The following CAMSAP2 variants were observed in gnomAD, a reference collection of about 807,000 sequenced individuals.
The protein encoded by CAMSAP2 is calmodulin-regulated spectrin-associated protein 2.
Under a neutral mutation model 146.1 loss-of-function variants are expected in CAMSAP2, and 26 were observed. The observed-to-expected ratio is 0.18, with a 90% CI of 0.13 to 0.25. The LOEUF (loss-of-function observed/expected upper bound fraction) is 0.25, where lower values mean the gene tolerates loss of function less well. Among genes scored for constraint, CAMSAP2 ranks in the 10% least tolerant of loss-of-function variants. CAMSAP2 has a pLI of 1.00. For synonymous variants in CAMSAP2, 499 were observed against 596.6 expected (o/e 0.84, Z 2.38); for missense variants, 1,381 against 1,759.3 (o/e 0.78, Z 3.85).
Position 200,848,411 on chromosome 1 carries a change from A to G in CAMSAP2, c.1642A>G (p.Ile548Val). The G allele has an allele frequency of 6.2e-7, 1 of 1,613,988 alleles. No individual in the cohort carries two copies. Among genetic ancestry groups the G allele is most frequent in the Non-Finnish European group, 8.5e-7 (1 of 1,179,966 alleles). The change falls in exon 11 of 17, where the codon ATA (isoleucine) becomes GTA (valine). Residue 548 changes from isoleucine to valine, a missense_variant. Transcript: ENST00000358823. ...ETPSIEEALQ[I>V]IHDTEKSPHT... ...ACCAAGCATTGAAGAAGCATTACAA[A>G]TAATTCATGATACTGAAAAATCTCC...
intron 3 of CAMSAP2, among the ~76,000 whole-genome samples, chr1:200,810,685 C>T (rs563924399): frequency 3.3e-5 from 5 of 151,352 alleles, no homozygotes; most frequent in Non-Finnish European, 4.4e-5. Context: ...GGTCAGGAGT[C>T]GGAGACCAGC....
intron 6 of CAMSAP2, among the ~76,000 whole-genome samples, chr1:200,841,673 T>C (rs1667327141): frequency 1.3e-5 from 2 of 152,248 alleles, no homozygotes; most frequent in South Asian, 4.1e-4. Flanking sequence ...TGAATAACTT[T>C]TTAAGTTGCT....
intron 9 of CAMSAP2, 111 bp downstream of exon 9, chr1:200,847,403 G>A (rs536568433): frequency 3.7e-6 from 3 of 803,260 alleles, no homozygotes; most frequent in African/African-American, 3.5e-5. Flanking sequence ...GTGTGTGTGT[G>A]TGTGTGTTTT....
chr1:200,746,644 A>G, intron 1 of CAMSAP2, among the ~76,000 whole-genome samples: 1 of 146,306 alleles, frequency 6.8e-6, no homozygotes, highest in African/African-American at 2.5e-5. Flanking sequence ...TTTGAGACGG[A>G]GTCTTGCCCT....
Position 200,739,737 on chromosome 1 carries a change from C to A in CAMSAP2, c.-91C>A. On this transcript the variant is annotated 5_prime_UTR_variant, in exon 1 of 17. Transcript: ENST00000358823. The surrounding 1 kb of genome is among the most constrained non-coding windows in gnomAD (Gnocchi z 4.8). ...ATCGCCCGGGCCCCGATGGTTTGAG[C>A]TTGCTTCTCCCTCCCTCCCGACCCC... 2.9e-6 allele frequency: 4 copies of A among 1,361,794 alleles called. No homozygotes were observed. The highest frequency in any genetic ancestry group is 4.0e-6 in the Non-Finnish European group (4 of 1,006,778). The allele number at this position is 1,361,794 out of a possible 1,614,324, so 84.4% of individuals were successfully genotyped here.
At chr1:200,782,796 T>C (rs1349059778) in intron 2 of CAMSAP2, among the ~76,000 whole-genome samples, 3 of 141,274 alleles carry the variant, frequency 2.1e-5, no homozygotes, top group Non-Finnish European at 3.1e-5. Context: ...TTTTTTTTTT[T>C]TTTTTTTTTT....
chr1:200,832,204 G>C lies in CAMSAP2; in HGVS notation c.650G>C (p.Arg217Pro). 6.2e-7 allele frequency: 1 copy of C among 1,601,280 alleles called. No homozygotes were observed. Among genetic ancestry groups the C allele is most frequent in the Non-Finnish European group, 8.5e-7 (1 of 1,175,358 alleles). Residue 217 changes from arginine to proline, a missense_variant, in exon 5 of 17, where the codon CGT becomes CCT. By Grantham distance (103) the Arg-to-Pro change is moderately radical. Transcript: ENST00000358823. This position sits in a 1 kb window ranked among gnomAD's most constrained non-coding sequence, Gnocchi z 4.2. ...TGTATTTTTTTTATATCGTAGGCTC[G>C]TTATCGGAAAGAGCAAACATTGCTT... Reference protein sequence around the residue: ...TVEAPGGQKARYRKEQTLLKQ... With the variant: ...TVEAPGGQKAPYRKEQTLLKQ...
rs756509967 is a variant in CAMSAP2 at position 200,848,643 on chromosome 1, A to T, written c.1874A>T (p.Glu625Val). The change falls in exon 11 of 17, where the codon GAA (glutamate) becomes GTA (valine). Residue 625 changes from glutamate (E) to valine (V), a missense_variant. This residue lies in a region of CAMSAP2 where 447 missense variants were observed against 462.2 expected (regional missense o/e 0.97). Transcript: ENST00000358823. ...PSEDIPETMD[E>V]DSSLRDYTVS... Reference sequence around the variant, plus strand: ...GAAGATATTCCTGAAACTATGGACGAAGATTCTTCGTTGAGAGATTATACT... The same window carrying T: ...GAAGATATTCCTGAAACTATGGACGTAGATTCTTCGTTGAGAGATTATACT... 6.2e-7 allele frequency: 1 copy of T among 1,614,206 alleles called. No homozygotes were observed. The highest frequency in any genetic ancestry group is 1.1e-5 in the South Asian group (1 of 91,086).
chr1:200,803,949 CAG>C (rs2102135020), intron 2 of CAMSAP2, among the ~76,000 whole-genome samples: 1 of 150,204 alleles, frequency 6.7e-6, no homozygotes, highest in African/African-American at 2.4e-5. Flanking sequence ...TTCTTTGAGA[CAG>C]AGTCTTGCTC....
At chr1:200,817,161 C>CATAAGTGTGTGTATAT (rs1233292439) in intron 4 of CAMSAP2, among the ~76,000 whole-genome samples, 1 of 85,980 alleles carries the variant, frequency 1.2e-5, no homozygotes, top group African/African-American at 5.3e-5. Flanking sequence ...CACACATACA[C>CATAAGTGTGTGTATAT]ACACGTGTGT....
intron 2 of CAMSAP2, among the ~76,000 whole-genome samples, chr1:200,768,770 C>T (rs1665030429): frequency 6.6e-6 from 1 of 152,128 alleles, no homozygotes; most frequent in Non-Finnish European, 1.5e-5. Flanking sequence ...TCTCCTGCCT[C>T]AGCCTCCCAA....
intron 2 of CAMSAP2, among the ~76,000 whole-genome samples, chr1:200,785,267 A>G (rs1386019698): frequency 6.6e-6 from 1 of 152,134 alleles, no homozygotes; most frequent in Non-Finnish European, 1.5e-5. Context: ...ATGAGTTGCA[A>G]AGTGTTCCCT....
chr1:200,854,027 A>G lies in CAMSAP2; in HGVS notation c.3823+532A>G, dbSNP rs564835325. ...GGGGTCTCAGTCTGTTGCCCAGGCT[A>G]GAGTGCAGTGGTGTGATCATGGCTC... is the stretch of plus-strand genomic sequence containing the variant. On this transcript the variant is annotated intron_variant, in intron 13 of 16. Transcript: ENST00000358823. 3.3e-5 allele frequency among the ~76,000 whole-genome samples: 5 copies of G among 152,256 alleles called. No homozygotes were observed. The East Asian group carries it at 9.6e-4, about 29-fold the overall frequency.
Position 200,849,809 on chromosome 1 carries a change from A to G in CAMSAP2, c.3040A>G (p.Ile1014Val), listed in dbSNP as rs1667567105. Residue 1014 changes from isoleucine (I) to valine (V), a missense_variant, in exon 11 of 17, where the codon ATT becomes GTT. Ile to Val is a conservative substitution (Grantham distance 29). Transcript: ENST00000358823. The surrounding 1 kb of genome is among the most constrained non-coding windows in gnomAD (Gnocchi z 6.3). ...GAGGTTTTCACCAAGTCAAGTTCCT[A>G]TTCAAACTAGGTCATTTGTATGTTT... ...LRRFSPSQVP[I>V]QTRSFVCFGD... 1 of 1,614,200 alleles carries G rather than the reference A, an allele frequency of 6.2e-7. No homozygotes were observed. The highest frequency in any genetic ancestry group is 1.1e-5 in the South Asian group (1 of 91,078).
intron 2 of CAMSAP2, among the ~76,000 whole-genome samples, chr1:200,804,264 C>T (rs978699802): frequency 1.3e-5 from 2 of 151,866 alleles, no homozygotes; most frequent in Admixed American, 6.6e-5. Flanking sequence ...TGTTTCCTTC[C>T]TTTTTCATAT....
At position 200,854,874 on chromosome 1, in the gene CAMSAP2, G is replaced by C; in HGVS notation, c.3881G>C (p.Gly1294Ala). 1.2e-6 allele frequency: 2 copies of C among 1,608,926 alleles called. No homozygotes were observed. The highest frequency in any genetic ancestry group is 2.2e-5 in the South Asian group (2 of 90,364). Residue 1294 changes from glycine (G) to alanine (A), a missense_variant, in exon 14 of 17, where the codon GGC becomes GCC. This residue lies in a region of CAMSAP2 where 560 missense variants were observed against 715.9 expected (regional missense o/e 0.78). Transcript: ENST00000358823. ...NTGDNESVHSGKRTPRSESVE... is the reference protein window; with the variant it reads ...NTGDNESVHSAKRTPRSESVE... ...GGTGATAACGAGAGTGTACATTCAG[G>C]CAAGAGGACGCCAAGGTAAATCTAT...
rs574403760 is a variant in CAMSAP2, at chr1:200,748,151, A to T, written c.139+8185A>T. ...ATTGATTATAGAAAATCTCAAATATATACAATAACAATAATCTTTCATGTA... is the reference window on the plus strand; with the variant it reads ...ATTGATTATAGAAAATCTCAAATATTTACAATAACAATAATCTTTCATGTA... On this transcript the variant is annotated intron_variant, in intron 1 of 16. Coordinates refer to ENST00000358823, the MANE Select transcript of CAMSAP2 (RefSeq NM_203459.4). 2.6e-5 allele frequency among the ~76,000 whole-genome samples: 4 copies of T among 152,296 alleles called. No individual in the cohort carries two copies. The South Asian group carries it at 8.3e-4, about 32-fold the overall frequency.
intron 4 of CAMSAP2, among the ~76,000 whole-genome samples, chr1:200,816,606 ATAT>A (rs755501070): frequency 0.13 from 12,299 of 94,058 alleles, 828 homozygotes; most frequent in East Asian, 0.15. Flanking sequence ...AAAAAAAAAA[ATAT>A]ATATATATAT....
intron 4 of CAMSAP2, among the ~76,000 whole-genome samples, chr1:200,823,305 A>G (rs761450148): frequency 7.9e-5 from 12 of 152,200 alleles, no homozygotes; most frequent in Non-Finnish European, 1.3e-4. Flanking sequence ...TTTTAAAATT[A>G]TTACAGAATT....
Sources: allele counts gnomAD v4.1 joint callset (sites outside exome capture counted in the v4.1 genomes callset), GRCh38; gene constraint gnomAD v4.1.1; regional missense constraint gnomAD v4.1.1; non-coding constraint Gnocchi (gnomAD v3.1); transcripts MANE v1.5; gene names NCBI Gene and HGNC (gene_info 2026-07-23, HGNC 2026-07-21).